The following ZFR2 variants were observed in gnomAD, a reference collection of about 807,000 sequenced individuals.
ZFR2 encodes zinc finger RNA binding protein 2, also known as zinc finger RNA-binding protein 2.
A neutral mutation model predicts 105.7 loss-of-function variants in ZFR2; 104 were observed. The ratio of observed to expected loss-of-function variants is 0.98; its 90% CI spans 0.84 to 1.16. The LOEUF is 1.16. Ranked by LOEUF, ZFR2 falls within the 50% of genes most tolerant of loss-of-function variation. ZFR2 has a pLI of 0.00. For synonymous variants in ZFR2, 634 were observed against 597.7 expected (o/e 1.06, Z -0.89); for missense variants, 1,425 against 1,355.5 (o/e 1.05, Z -0.80).
intron 1 of ZFR2, 140 bp downstream of exon 1, chr19:3,868,825 G>T: frequency 1.4e-6 from 1 of 701,884 alleles, no homozygotes; most frequent in Non-Finnish European, 2.0e-6. Context: ...CGGCGCCGCG[G>T]CTTCCCTCAG....
intron 17 of ZFR2, 130 bp downstream of exon 17, chr19:3,808,742 T>C (rs1390386643): frequency 2.8e-6 from 2 of 726,040 alleles, no homozygotes; most frequent in Middle Eastern, 2.5e-4. Context: ...GTGTGTGTTG[T>C]GGGCCGCACT....
chr19:3,816,651 G>A lies in ZFR2; in HGVS notation c.2103+23C>T, dbSNP rs548869624. On this transcript the variant is annotated intron_variant, in intron 13 of 18. Coordinates refer to ENST00000262961, the MANE Select transcript of ZFR2 (RefSeq NM_015174.2). The stretch of plus-strand genomic sequence containing the variant: ...CTGGCAGCCAGACGCCAGAAGCAGC[G>A]ATGAGCAGGGCCCTGACCTTACCTG... 6.5e-5 allele frequency: 103 copies of A among 1,583,528 alleles called. 1 individual carries two copies. Among genetic ancestry groups the A allele is most frequent in the Middle Eastern group, 6.0e-4 (3 of 4,982 alleles).
At chr19:3,856,325 G>A in intron 1 of ZFR2, among the ~76,000 whole-genome samples, 1 of 152,204 alleles carries the variant, frequency 6.6e-6, no homozygotes, top group East Asian at 1.9e-4. Flanking sequence ...GCTGTATGCA[G>A]GGGCCGAGAC....
intron 1 of ZFR2, among the ~76,000 whole-genome samples, chr19:3,839,917 G>A (rs1019538035): frequency 5.9e-5 from 9 of 151,798 alleles, no homozygotes; most frequent in Admixed American, 2.0e-4. Flanking sequence ...GCAATGGCGC[G>A]ATCACAGTTC....
Position 3,811,252 on chromosome 19 carries a change from T to TCCACCCCTGCC in ZFR2, c.2337+9_2337+19dup, listed in dbSNP as rs765464062. ...CTCAAAGTCACCCCTCTCCCCCTGC[T>TCCACCCCTGCC]CCACCCCTGCCCCCCTGACCTGAAA... On this transcript the variant is annotated intron_variant, in intron 15 of 18. Transcript: ENST00000262961. 46 of 1,550,898 alleles carry TCCACCCCTGCC rather than the reference T, an allele frequency of 3.0e-5. 1 individual carries two copies. In the Admixed American group the frequency reaches 8.7e-4, roughly 29 times the overall value.
At position 3,833,262 on chromosome 19, in the gene ZFR2, A is replaced by AAAAAG. The variant is rs1173656184; in HGVS notation, c.379+397_379+401dup. ...AGACTCCGTCTCAAAAAAAAAAAAA[A>AAAAAG]AAAAGAAAAGAAAAGAAAAGATGTA... On this transcript the variant is annotated intron_variant, in intron 3 of 18. Transcript: ENST00000262961. 2.0e-3 allele frequency among the ~76,000 whole-genome samples: 259 copies of AAAAAG among 130,862 alleles called. 1 individual carries two copies. The highest frequency in any genetic ancestry group is 7.4e-3 in the Admixed American group (90 of 12,204). 85.9% of individuals were successfully genotyped at this position (130,862 alleles called of 152,430 possible). A position where few individuals can be genotyped will look rare whatever the true frequency, so the allele number is the denominator to read the frequency against.
At chr19:3,816,339 G>A (rs1036808404) in intron 13 of ZFR2, among the ~76,000 whole-genome samples, 3 of 151,384 alleles carry the variant, frequency 2.0e-5, no homozygotes, top group Non-Finnish European at 2.9e-5. Flanking sequence ...TCTGCCTCCG[G>A]GATTTAAGTG....
At chr19:3,854,698 C>T (rs1372331580) in intron 1 of ZFR2, among the ~76,000 whole-genome samples, 1 of 152,176 alleles carries the variant, frequency 6.6e-6, no homozygotes, top group African/African-American at 2.4e-5. Flanking sequence ...GGAAGTAGCC[C>T]TTTTACATTC....
At position 3,813,941 on chromosome 19, in the gene ZFR2, C is replaced by T. The variant is rs1352295446; in HGVS notation, c.2121G>A (p.Glu707=). The T allele has an allele frequency of 1.9e-6, 3 of 1,613,912 alleles. 1 individual carries two copies. In the South Asian group the frequency reaches 3.3e-5, roughly 18 times the overall value. Residue 707 remains glutamate, a synonymous_variant, in exon 14 of 19, where the codon GAG becomes GAA. Transcript: ENST00000262961. The surrounding 1 kb of genome is among the most constrained non-coding windows in gnomAD (Gnocchi z 4.4). ...PRQLQMVTED[E]YEVSSDPEAN... ...CTTCAGGGTCGGAGGAGACCTCATA[C>T]TCATCCTCGGTCACCATCTGGGAGG... is the stretch of plus-strand genomic sequence containing the variant.
Position 3,821,354 on chromosome 19 carries a change from C to T in ZFR2, c.1617G>A (p.Trp539Ter), listed in dbSNP as rs1344011084. ...AEERLEQLRRWHAERRRLEEE... is the reference protein window; with the variant it reads ...AEERLEQLRR The stretch of plus-strand genomic sequence containing the variant: ...CAGCCGGGCACCTCCTCTCCGCGTG[C>T]CAGCGCCGCAGCTGCTCCAGCCGCT... Residue 539 changes from tryptophan to a stop codon, truncating the protein, a stop_gained, in exon 10 of 19, where the codon TGG (tryptophan) becomes TGA (stop). Coordinates refer to ENST00000262961, the MANE Select transcript of ZFR2 (RefSeq NM_015174.2). LOFTEE classifies it high-confidence loss of function. The T allele has an allele frequency of 1.3e-6, 2 of 1,599,968 alleles. No individual in the cohort carries two copies. The highest frequency in any genetic ancestry group is 1.1e-5 in the South Asian group (1 of 89,638).
In ZFR2 at chr19:3,808,206, C is replaced by T. The variant is rs578187824; in HGVS notation, c.2545+666G>A. The stretch of plus-strand genomic sequence containing the variant: ...GTGCATGCACGTGCCTGTGTATGTG[C>T]GTGTGTGCCCGTGCGAGTGCGTGCG... On this transcript the variant is annotated intron_variant, in intron 17 of 18. Coordinates refer to ENST00000262961, the MANE Select transcript of ZFR2 (RefSeq NM_015174.2). Among the ~76,000 whole-genome samples, 16 of 141,554 alleles carry T rather than the reference C, an allele frequency of 1.1e-4. No homozygotes were observed. In the South Asian group the frequency reaches 2.3e-3, roughly 21 times the overall value. 92.9% of individuals were successfully genotyped at this position (141,554 alleles called of 152,430 possible).
chr19:3,842,599 TGCA>T (rs1356115678), intron 1 of ZFR2, among the ~76,000 whole-genome samples: 1 of 152,070 alleles, frequency 6.6e-6, no homozygotes, highest in African/African-American at 2.4e-5. Context: ...GTCACTTCAA[TGCA>T]TTTCAGAACT....
intron 1 of ZFR2, among the ~76,000 whole-genome samples, chr19:3,864,407 AACAG>A (rs971686607): frequency 1.3e-5 from 2 of 148,706 alleles, no homozygotes; most frequent in African/African-American, 5.0e-5. Context: ...CAAACAAACA[AACAG>A]AGGTTCTCTG....
rs977117903 is a variant in ZFR2 at position 3,825,550 on chromosome 19, T to C, written c.1036-143A>G. The C allele has an allele frequency of 1.9e-5, 21 of 1,130,986 alleles. No individual in the cohort carries two copies. The South Asian group carries it at 3.3e-4, about 18-fold the overall frequency. 70.1% of individuals were successfully genotyped at this position (1,130,986 alleles called of 1,614,324 possible). A position where few individuals can be genotyped will look rare whatever the true frequency, so the allele number is the denominator to read the frequency against. On this transcript the variant is annotated intron_variant, in intron 6 of 18. Transcript: ENST00000262961. ...GGGACCCCCCTCTCTTCTCTCCTCC[T>C]GCTCTCTGGATAACACCCACTCCAG...
rs539333521 is a variant in ZFR2 at position 3,836,981 on chromosome 19, T to C, written c.54-1998A>G. Among the ~76,000 whole-genome samples the C allele has an allele frequency of 3.3e-5, 5 of 152,266 alleles. No individual in the cohort carries two copies. In the South Asian group the frequency reaches 1.0e-3, roughly 32 times the overall value. ...AAGGAGCAAGGTATGAGGGTCATTTTGGGGAAAATGGATTAGAAGGCAAAG... is the reference window on the plus strand; with the variant it reads ...AAGGAGCAAGGTATGAGGGTCATTTCGGGGAAAATGGATTAGAAGGCAAAG... On this transcript the variant is annotated intron_variant, in intron 1 of 18. Coordinates refer to ENST00000262961, the MANE Select transcript of ZFR2 (RefSeq NM_015174.2).
At chr19:3,820,741 G>A (rs2037880556) in intron 10 of ZFR2, among the ~76,000 whole-genome samples, 1 of 117,046 alleles carries the variant, frequency 8.5e-6, no homozygotes, top group Non-Finnish European at 1.9e-5. Flanking sequence ...GTCATCAGGG[G>A]TCAGGAGACA....
intron 1 of ZFR2, among the ~76,000 whole-genome samples, chr19:3,837,391 G>A (rs762358967): frequency 1.1e-4 from 16 of 151,932 alleles, no homozygotes; most frequent in Non-Finnish European, 1.6e-4. Flanking sequence ...CCATGACTGT[G>A]ACACTCGATG....
intron 10 of ZFR2, among the ~76,000 whole-genome samples, chr19:3,820,624 G>A (rs2037879482): frequency 6.6e-6 from 1 of 152,148 alleles, no homozygotes; most frequent in Non-Finnish European, 1.5e-5. Context: ...GCTCTAGGAT[G>A]GACACAGGGG....
chr19:3,831,173 A>G lies in ZFR2; in HGVS notation c.852+130T>C. 3.0e-6 allele frequency: 4 copies of G among 1,316,806 alleles called. 1 individual carries two copies. The South Asian group carries it at 6.2e-5, about 21-fold the overall frequency. 81.6% of individuals were successfully genotyped at this position (1,316,806 alleles called of 1,614,324 possible). On this transcript the variant is annotated intron_variant, in intron 5 of 18. Transcript: ENST00000262961. ...TGCACACACAGGCCATGCATACAAC[A>G]TGCAAGTTAACACCAGACCTTCTTT... is the stretch of plus-strand genomic sequence containing the variant.
Sources: gnomAD v4.1 joint callset for allele counts (sites outside exome capture counted in the v4.1 genomes callset) on GRCh38, gnomAD v4.1.1 for gene constraint, Gnocchi (gnomAD v3.1) non-coding constraint, MANE v1.5 for transcripts, NCBI Gene and HGNC (gene_info 2026-07-23, HGNC 2026-07-21) for gene names.